The following SLC39A11 variants were observed in gnomAD, a reference collection of about 807,000 sequenced individuals.
SLC39A11 encodes the protein zinc transporter ZIP11.
A neutral mutation model predicts 36.1 loss-of-function variants in SLC39A11; 33 were observed. The ratio of observed to expected loss-of-function variants is 0.91; its 90% CI spans 0.69 to 1.22. The LOEUF (loss-of-function observed/expected upper bound fraction) is 1.22. Among genes scored for constraint, SLC39A11 ranks in the 50% most tolerant of loss-of-function variants. The probability of loss-of-function intolerance (pLI) is 0.00; values close to 1 mark genes in which losing one functional copy is unlikely to be tolerated. For synonymous variants in SLC39A11, 166 were observed against 170.3 expected, an observed-to-expected ratio of 0.97 and a Z score of 0.20; for missense variants, 432 against 430.3, an observed-to-expected ratio of 1.00 and a Z score of -0.03.
intron 4 of SLC39A11, among the ~76,000 whole-genome samples, chr17:73,003,746 G>A (rs538567050): frequency 6.6e-6 from 1 of 152,236 alleles, no homozygotes; most frequent in African/African-American, 2.4e-5. Flanking sequence ...CAAGATCCGG[G>A]ATAATCACTA....
chr17:72,929,591 TA>T (rs1248235789), intron 5 of SLC39A11, among the ~76,000 whole-genome samples: 1 of 152,114 alleles, frequency 6.6e-6, no homozygotes, highest in Non-Finnish European at 1.5e-5. Flanking sequence ...TCTATTCAAT[TA>T]AAAAATTCCC....
intron 1 of SLC39A11, chr17:73,091,947 T>G (rs2060938137): frequency 6.6e-6 from 1 of 152,268 alleles, no homozygotes. Flanking sequence ...CTGGTGAAGT[T>G]GCAGAAGTGG....
intron 3 of SLC39A11, among the ~76,000 whole-genome samples, chr17:73,054,944 G>A (rs140494449): frequency 2.0e-5 from 3 of 152,124 alleles, no homozygotes; most frequent in African/African-American, 7.2e-5. Flanking sequence ...ACAAAGACTC[G>A]ATGACAAGGA....
At chr17:72,763,923 T>A (rs1005095253) in intron 6 of SLC39A11, among the ~76,000 whole-genome samples, 2 of 152,136 alleles carry the variant, frequency 1.3e-5, no homozygotes, top group African/African-American at 4.8e-5. Flanking sequence ...CCTGCTTATA[T>A]CCGGTTCCAT....
intron 4 of SLC39A11, among the ~76,000 whole-genome samples, chr17:72,975,403 C>T (rs1386249557): frequency 1.3e-5 from 2 of 152,172 alleles, no homozygotes; most frequent in Non-Finnish European, 2.9e-5. Context: ...TGTGCCATTG[C>T]ACTCCAGCCT....
intron 4 of SLC39A11, 63 bp from the exon 5 acceptor site, chr17:72,947,938 T>A: frequency 6.3e-7 from 1 of 1,591,690 alleles, no homozygotes; most frequent in Non-Finnish European, 8.5e-7. Context: ...CAGATGCTTC[T>A]GGCTCACGGG....
chr17:72,657,051 A>G (rs1567911120), intron 7 of SLC39A11, among the ~76,000 whole-genome samples: 1 of 151,924 alleles, frequency 6.6e-6, no homozygotes, highest in African/African-American at 2.4e-5. Flanking sequence ...GCATATTTCA[A>G]AATCATTCCT....
Position 72,693,005 on chromosome 17 carries a change from A to G in SLC39A11, c.671+43645T>C, listed in dbSNP as rs150953109. Among the ~76,000 whole-genome samples, 732 of 152,340 alleles carry G rather than the reference A, an allele frequency of 4.8e-3. 5 individuals carry two copies. Among genetic ancestry groups the G allele is most frequent in the African/African-American group, 0.013 (533 of 41,580 alleles). The stretch of plus-strand genomic sequence containing the variant: ...TGGATACACCCAGCACTAAAAGGAT[A>G]TTAAATACTATCAGCATTCTAGGGG... On this transcript the variant is annotated intron_variant, in intron 7 of 9. Transcript: ENST00000255559.
chr17:73,045,549 T>C (rs1360407309), intron 3 of SLC39A11, among the ~76,000 whole-genome samples: 2 of 152,134 alleles, frequency 1.3e-5, no homozygotes, highest in African/African-American at 4.8e-5. Flanking sequence ...CCATTGGCAA[T>C]GATCTCAGCT....
chr17:72,861,415 G>C (rs2079974584), intron 5 of SLC39A11, among the ~76,000 whole-genome samples: 1 of 151,930 alleles, frequency 6.6e-6, no homozygotes, highest in Non-Finnish European at 1.5e-5. Context: ...TTTTTAAATA[G>C]TGGATGCACT....
intron 6 of SLC39A11, among the ~76,000 whole-genome samples, chr17:72,807,974 T>C (rs1007185450): frequency 1.3e-5 from 2 of 152,116 alleles, no homozygotes; most frequent in African/African-American, 4.8e-5. Flanking sequence ...TCCAGGTGGA[T>C]ACTGTCAGAA....
chr17:73,060,210 C>CAAAAAAAAAAAAAAAAAAAA (rs33931672), intron 3 of SLC39A11, among the ~76,000 whole-genome samples: 52 of 70,266 alleles, frequency 7.4e-4, no homozygotes, highest in East Asian at 2.4e-3. Flanking sequence ...AACTCCATCT[C>CAAAAAAAAAAAAAAAAAAAA]AAAAAAAAAA....
chr17:73,017,481 C>T (rs1427870433), intron 4 of SLC39A11, among the ~76,000 whole-genome samples: 2 of 152,018 alleles, frequency 1.3e-5, no homozygotes, highest in Admixed American at 1.3e-4. Context: ...GGGAGGCTGA[C>T]GCAGGTGGAT....
intron 3 of SLC39A11, among the ~76,000 whole-genome samples, chr17:73,044,277 C>T (rs1432641094): frequency 6.6e-6 from 1 of 152,122 alleles, no homozygotes; most frequent in Non-Finnish European, 1.5e-5. Flanking sequence ...ACAGTAGCCC[C>T]AAACTGGAAA....
intron 4 of SLC39A11, among the ~76,000 whole-genome samples, chr17:73,028,100 G>A (rs557760181): frequency 8.5e-5 from 13 of 152,122 alleles, no homozygotes; most frequent in Non-Finnish European, 4.4e-5. Flanking sequence ...GGGGCCATCC[G>A]CTGAATTGTG....
chr17:72,758,398 T>C (rs2713973), intron 6 of SLC39A11, among the ~76,000 whole-genome samples: 34,121 of 152,084 alleles, frequency 0.22, 4,477 homozygotes, highest in East Asian at 0.41. Flanking sequence ...ACATTCCCTC[T>C]TTACCCGTTT....
chr17:73,074,310 C>G (rs901495395), intron 3 of SLC39A11, among the ~76,000 whole-genome samples: 10 of 123,574 alleles, frequency 8.1e-5, no homozygotes, highest in East Asian at 2.9e-4. Flanking sequence ...CCCCACCCCC[C>G]GCCCCAAGAC....
chr17:72,902,851 T>C (rs1183422680), intron 5 of SLC39A11, among the ~76,000 whole-genome samples: 3 of 152,128 alleles, frequency 2.0e-5, no homozygotes, highest in African/African-American at 7.2e-5. Flanking sequence ...CCAGCACCAT[T>C]ACAGAACTAT....
At chr17:73,007,094 C>T (rs2090230096) in intron 4 of SLC39A11, among the ~76,000 whole-genome samples, 2 of 152,176 alleles carry the variant, frequency 1.3e-5, no homozygotes, top group African/African-American at 2.4e-5. Context: ...CCACGCAGCA[C>T]GGCGCTCAGT....
Sources: allele counts gnomAD v4.1 joint callset (sites outside exome capture counted in the v4.1 genomes callset), GRCh38; gene constraint gnomAD v4.1.1; transcripts MANE v1.5; gene names NCBI Gene and HGNC (gene_info 2026-07-23, HGNC 2026-07-21).